The following ADAMTS12 variants were observed in gnomAD, a reference collection of about 807,000 sequenced individuals.
ADAMTS12 encodes the protein ADAM metallopeptidase with thrombospondin type 1 motif 12, also known as A disintegrin and metalloproteinase with thrombospondin motifs 12.
A neutral mutation model predicts 167.8 loss-of-function variants in ADAMTS12; 118 were observed. The ratio of observed to expected loss-of-function variants is 0.70; its 90% CI spans 0.61 to 0.82. The LOEUF (loss-of-function observed/expected upper bound fraction) is 0.82. Ranked by LOEUF, ADAMTS12 falls within the 40% of genes least tolerant of loss-of-function variation. The probability of loss-of-function intolerance (pLI) is 0.00; values close to 1 mark genes in which losing one functional copy is unlikely to be tolerated. For missense variants in ADAMTS12, 1,916 were observed against 1,998.8 expected (o/e 0.96, Z 0.79); for synonymous variants, 704 against 716.9 (o/e 0.98, Z 0.29).
intron 3 of ADAMTS12, among the ~76,000 whole-genome samples, chr5:33,741,248 A>T (rs1236786254): frequency 1.3e-5 from 2 of 152,126 alleles, no homozygotes; most frequent in Non-Finnish European, 2.9e-5. Context: ...CAAACCACAT[A>T]AACAGATTTT....
intron 2 of ADAMTS12, among the ~76,000 whole-genome samples, chr5:33,842,309 T>C (rs1748774702): frequency 6.6e-6 from 1 of 152,216 alleles, no homozygotes; most frequent in South Asian, 2.1e-4. Flanking sequence ...GTGGTCCTCA[T>C]TCTTCCTTTC....
chr5:33,853,756 G>A (rs371303442), intron 2 of ADAMTS12, among the ~76,000 whole-genome samples: 2 of 152,352 alleles, frequency 1.3e-5, no homozygotes, highest in East Asian at 3.9e-4. Context: ...TAGTGTCTGT[G>A]TTTAATGGGT....
intron 2 of ADAMTS12, among the ~76,000 whole-genome samples, chr5:33,802,853 T>G (rs935080121): frequency 6.6e-6 from 1 of 152,234 alleles, no homozygotes; most frequent in Admixed American, 6.5e-5. Flanking sequence ...AAGTTTACTC[T>G]TCCAGATGTG....
intron 5 of ADAMTS12, among the ~76,000 whole-genome samples, chr5:33,674,596 T>C (rs1741832311): frequency 6.6e-6 from 1 of 152,202 alleles, no homozygotes; most frequent in Admixed American, 6.5e-5. Context: ...CTTCCTTATT[T>C]TGGGGGTCCT....
At chr5:33,777,816 A>C (rs1745969347) in intron 2 of ADAMTS12, among the ~76,000 whole-genome samples, 1 of 152,100 alleles carries the variant, frequency 6.6e-6, no homozygotes, top group South Asian at 2.1e-4. Flanking sequence ...CTAGTAAATT[A>C]ATTCAGTAAG....
At chr5:33,749,133 T>A (rs1331035188) in intron 3 of ADAMTS12, among the ~76,000 whole-genome samples, 1 of 152,206 alleles carries the variant, frequency 6.6e-6, no homozygotes, top group African/African-American at 2.4e-5. Flanking sequence ...TATGAAATAC[T>A]CTTTGTCAGT....
intron 2 of ADAMTS12, among the ~76,000 whole-genome samples, chr5:33,781,036 G>A (rs1209242123): frequency 6.6e-6 from 1 of 152,056 alleles, no homozygotes; most frequent in African/African-American, 2.4e-5. Context: ...TTGAAACAAC[G>A]CATTAGGAAT....
At chr5:33,675,441 T>C (rs2112245398) in intron 5 of ADAMTS12, among the ~76,000 whole-genome samples, 1 of 152,322 alleles carries the variant, frequency 6.6e-6, no homozygotes, top group Admixed American at 6.5e-5. Flanking sequence ...AGTTTTGCTA[T>C]AAGAGTAATT....
At chr5:33,636,503 A>G (rs977404096) in intron 12 of ADAMTS12, among the ~76,000 whole-genome samples, 5 of 152,188 alleles carry the variant, frequency 3.3e-5, no homozygotes, top group African/African-American at 9.6e-5. Flanking sequence ...GGGGGCAAGG[A>G]GCAATCACTG....
chr5:33,570,104 C>G (rs566434944), intron 19 of ADAMTS12, among the ~76,000 whole-genome samples: 5 of 152,284 alleles, frequency 3.3e-5, no homozygotes, highest in Admixed American at 1.3e-4. Flanking sequence ...TGTGAAAAGA[C>G]CAAATCTGCC....
At chr5:33,552,998 A>G (rs1745319545) in intron 20 of ADAMTS12, among the ~76,000 whole-genome samples, 1 of 152,192 alleles carries the variant, frequency 6.6e-6, no homozygotes, top group Non-Finnish European at 1.5e-5. Flanking sequence ...AGGAAGTTAA[A>G]TTTATACAAA....
intron 10 of ADAMTS12, among the ~76,000 whole-genome samples, chr5:33,642,180 C>A (rs2112174104): frequency 6.6e-6 from 1 of 152,314 alleles, no homozygotes; most frequent in African/African-American, 2.4e-5. Flanking sequence ...GTTGCCTAAT[C>A]ACACAGGTGC....
chr5:33,708,117 C>T (rs1415954030), intron 3 of ADAMTS12, among the ~76,000 whole-genome samples: 1 of 152,030 alleles, frequency 6.6e-6, no homozygotes, highest in African/African-American at 2.4e-5. Context: ...ACAAACAACC[C>T]CATCAAAAAG....
Position 33,871,596 on chromosome 5 carries a change from G to C in ADAMTS12, c.489+9523C>G, listed in dbSNP as rs1750039197. ...CACCTTAGGTAACTAGAAAAAAAAA[G>C]AGCACATTAGATTCAATGAGAAAAA... On this transcript the variant is annotated intron_variant, in intron 2 of 23. Coordinates refer to ENST00000504830, the MANE Select transcript of ADAMTS12 (RefSeq NM_030955.4). Among the ~76,000 whole-genome samples the C allele has an allele frequency of 1.3e-5, 2 of 151,672 alleles. 1 individual carries two copies. Among genetic ancestry groups the C allele is most frequent in the South Asian group, 4.2e-4 (2 of 4,804 alleles).
intron 2 of ADAMTS12, among the ~76,000 whole-genome samples, chr5:33,822,882 G>A (rs1450776843): frequency 6.6e-6 from 1 of 152,086 alleles, no homozygotes; most frequent in African/African-American, 2.4e-5. Context: ...GAGGCCAGGA[G>A]TTCAAGATCA....
At chr5:33,570,284 C>A (rs964469403) in intron 19 of ADAMTS12, among the ~76,000 whole-genome samples, 3 of 152,114 alleles carry the variant, frequency 2.0e-5, no homozygotes, top group African/African-American at 4.8e-5. Context: ...AACTCCAAGA[C>A]ACGTAATTGT....
chr5:33,577,379 A>T (rs984607591), intron 18 of ADAMTS12, among the ~76,000 whole-genome samples: 1 of 152,146 alleles, frequency 6.6e-6, no homozygotes, highest in Non-Finnish European at 1.5e-5. Flanking sequence ...TTCTTCACAA[A>T]CTGAAAATGT....
Position 33,832,256 on chromosome 5 carries a change from T to C in ADAMTS12, c.489+48863A>G, listed in dbSNP as rs571663596. On this transcript the variant is annotated intron_variant, in intron 2 of 23. Transcript: ENST00000504830. ...GGGTCTTTTATTCATTCCCAAGTTG[T>C]GCCCCTGACTCCTTGTGTGAGATTC... Among the ~76,000 whole-genome samples, 86 of 152,330 alleles carry C rather than the reference T, an allele frequency of 5.6e-4. 2 individuals are homozygous for C. The South Asian group carries it at 0.018, about 31-fold the overall frequency.
At chr5:33,548,759 T>A (rs1745106357) in intron 21 of ADAMTS12, among the ~76,000 whole-genome samples, 1 of 151,890 alleles carries the variant, frequency 6.6e-6, no homozygotes, top group African/African-American at 2.4e-5. Flanking sequence ...CTGAGAGCTG[T>A]AAGAGATGAA....
Sources: allele counts gnomAD v4.1 joint callset (sites outside exome capture counted in the v4.1 genomes callset), GRCh38; gene constraint gnomAD v4.1.1; transcripts MANE v1.5; gene names NCBI Gene and HGNC (gene_info 2026-07-23, HGNC 2026-07-21).